The following GRIK2 variants were observed in gnomAD, a reference collection of about 807,000 sequenced individuals.
GRIK2 encodes the protein glutamate ionotropic receptor kainate type subunit 2, also known as glutamate receptor ionotropic, kainate 2.
In GRIK2, 32 loss-of-function variants were observed where a neutral mutation model predicts 100.3. That is an observed-to-expected ratio of 0.32 (90% CI 0.24 to 0.43). The LOEUF (loss-of-function observed/expected upper bound fraction) is 0.43. Ranked by LOEUF, GRIK2 falls within the 20% of genes least tolerant of loss-of-function variation. GRIK2 has a pLI of 1.00. For missense variants in GRIK2, 843 were observed against 1,114.9 expected (o/e 0.76, Z 3.47); for synonymous variants, 417 against 389.4 (o/e 1.07, Z -0.83).
chr6:101,901,431 A>T (rs1198548747), intron 12 of GRIK2, among the ~76,000 whole-genome samples: 1 of 151,934 alleles, frequency 6.6e-6, no homozygotes, highest in Non-Finnish European at 1.5e-5. Flanking sequence ...TTCATGGCAA[A>T]CAATATTATG....
intron 11 of GRIK2, among the ~76,000 whole-genome samples, chr6:101,862,035 A>G (rs1483167853): frequency 6.6e-6 from 1 of 152,196 alleles, no homozygotes; most frequent in Non-Finnish European, 1.5e-5. Context: ...TTACAACGGA[A>G]CAGAAATTAA....
Position 101,928,589 on chromosome 6 carries a change from A to G in GRIK2, c.2042A>G (p.Glu681Gly), listed in dbSNP as rs1790061352. 3 of 1,605,298 alleles carry G rather than the reference A, an allele frequency of 1.9e-6. No homozygotes were observed. The highest frequency in any genetic ancestry group is 1.3e-5 in the African/African-American group (1 of 74,906). Residue 681 changes from glutamate (E) to glycine (G), a missense_variant, in exon 14 of 17, where the codon GAA becomes GGA. Glu to Gly is a moderately conservative substitution (Grantham distance 98, BLOSUM62 -2). This residue lies in a region of GRIK2 where 237 missense variants were observed against 388.0 expected (regional missense o/e 0.61). Coordinates refer to ENST00000369134, the MANE Select transcript of GRIK2 (RefSeq NM_021956.5). Reference protein sequence around the residue: ...ADDLAKQTKIEYGAVEDGATM... With the variant: ...ADDLAKQTKIGYGAVEDGATM... ...GATTTAGCTAAACAAACCAAGATAG[A>G]ATATGGAGCAGTAGAGGATGGTGCA...
At chr6:101,642,973 A>T (rs542742767) in intron 4 of GRIK2, among the ~76,000 whole-genome samples, 20 of 151,872 alleles carry the variant, frequency 1.3e-4, no homozygotes, top group African/African-American at 4.6e-4. Flanking sequence ...TTCCCTCATG[A>T]TTAATGATGT....
In GRIK2 at chr6:101,924,082, A is replaced by T. The variant is rs554728500; in HGVS notation, c.1749-519A>T. On this transcript the variant is annotated intron_variant, in intron 12 of 16. Transcript: ENST00000369134. ...TTTAGAGTTGAGATTTTACACATAAATATGTAAATTCATAGAATCATTTTG... is the reference window on the plus strand; with the variant it reads ...TTTAGAGTTGAGATTTTACACATAATTATGTAAATTCATAGAATCATTTTG... Among the ~76,000 whole-genome samples the T allele has an allele frequency of 6.6e-4, 101 of 152,206 alleles. 1 individual carries two copies. In the South Asian group the frequency reaches 0.02, roughly 30 times the overall value.
At chr6:101,805,556 C>G (rs1780946296) in intron 9 of GRIK2, among the ~76,000 whole-genome samples, 1 of 151,948 alleles carries the variant, frequency 6.6e-6, no homozygotes, top group Non-Finnish European at 1.5e-5. Context: ...CATTCTCATT[C>G]TGTCTTGGTC....
At chr6:101,786,949 G>A (rs994208655) in intron 7 of GRIK2, among the ~76,000 whole-genome samples, 1 of 151,958 alleles carries the variant, frequency 6.6e-6, no homozygotes, top group African/African-American at 2.4e-5. Context: ...CTGATACTGG[G>A]CTTTTCTTTG....
At chr6:101,853,186 T>G (rs1369043052) in intron 10 of GRIK2, among the ~76,000 whole-genome samples, 1 of 152,188 alleles carries the variant, frequency 6.6e-6, no homozygotes, top group Non-Finnish European at 1.5e-5. Flanking sequence ...TTGAAAAACC[T>G]AGGTTCAAAC....
rs540145773 is a variant in GRIK2 at position 101,897,953 on chromosome 6, C to T, written c.1748+8090C>T. ...AGAGTCCTTTCAAATGGATGGTTGTCTATGCAGTCTTGTACCAGAGTGGTG... is the reference window on the plus strand; with the variant it reads ...AGAGTCCTTTCAAATGGATGGTTGTTTATGCAGTCTTGTACCAGAGTGGTG... On this transcript the variant is annotated intron_variant, in intron 12 of 16. Transcript: ENST00000369134. Among the ~76,000 whole-genome samples, 3 of 151,734 alleles carry T rather than the reference C, an allele frequency of 2.0e-5. No individual in the cohort carries two copies. The South Asian group carries it at 6.2e-4, about 31-fold the overall frequency.
intron 2 of GRIK2, among the ~76,000 whole-genome samples, chr6:101,449,304 A>C (rs1471350184): frequency 2.0e-5 from 3 of 151,680 alleles, no homozygotes; most frequent in African/African-American, 7.2e-5. Context: ...TATTATTCTG[A>C]ATTTTTAATT....
intron 7 of GRIK2, among the ~76,000 whole-genome samples, chr6:101,792,101 C>G (rs1361636459): frequency 1.3e-5 from 2 of 151,756 alleles, no homozygotes; most frequent in African/African-American, 2.4e-5. Context: ...CTATGTGTGT[C>G]TCTGCACGTG....
chr6:101,968,244 G>T (rs982405392), intron 14 of GRIK2, among the ~76,000 whole-genome samples: 1 of 151,918 alleles, frequency 6.6e-6, no homozygotes, highest in South Asian at 2.1e-4. Flanking sequence ...TAAACACATA[G>T]GTACACACAA....
chr6:101,848,529 G>A (rs1235407930), intron 10 of GRIK2, among the ~76,000 whole-genome samples: 1 of 152,084 alleles, frequency 6.6e-6, no homozygotes. Context: ...ATGGATGAAT[G>A]AATACATCCA....
At chr6:101,741,695 A>G (rs1443579300) in intron 7 of GRIK2, among the ~76,000 whole-genome samples, 1 of 152,204 alleles carries the variant, frequency 6.6e-6, no homozygotes, top group African/African-American at 2.4e-5. Context: ...CTATATTTTC[A>G]GGACATTCTG....
chr6:101,535,691 T>A (rs1775657753), intron 2 of GRIK2, among the ~76,000 whole-genome samples: 2 of 151,784 alleles, frequency 1.3e-5, no homozygotes, highest in Non-Finnish European at 3.0e-5. Context: ...GAGCAATTGT[T>A]GTATTATAAT....
intron 1 of GRIK2, among the ~76,000 whole-genome samples, chr6:101,397,771 T>A (rs544721343): frequency 1.3e-5 from 2 of 152,284 alleles, no homozygotes; most frequent in East Asian, 3.9e-4. Flanking sequence ...TTTTGTGAGA[T>A]TTAACCTATG....
chr6:101,709,378 C>T (rs1471441019), intron 7 of GRIK2, among the ~76,000 whole-genome samples: 2 of 151,786 alleles, frequency 1.3e-5, no homozygotes, highest in East Asian at 3.9e-4. Flanking sequence ...TAAAACCCAC[C>T]TCTAACATTT....
Position 101,906,430 on chromosome 6 carries a change from A to T in GRIK2, c.1748+16567A>T, listed in dbSNP as rs188902031. 2.9e-3 allele frequency among the ~76,000 whole-genome samples: 436 copies of T among 149,334 alleles called. 6 individuals are homozygous for T. The highest frequency in any genetic ancestry group is 9.6e-3 in the African/African-American group (389 of 40,680). ...GGGATAAAGACTGTAAACTCCAGAGACTTAAAACCATTTACTCCCAAATTT... is the reference window on the plus strand; with the variant it reads ...GGGATAAAGACTGTAAACTCCAGAGTCTTAAAACCATTTACTCCCAAATTT... On this transcript the variant is annotated intron_variant, in intron 12 of 16. Coordinates refer to ENST00000369134, the MANE Select transcript of GRIK2 (RefSeq NM_021956.5).
intron 2 of GRIK2, among the ~76,000 whole-genome samples, chr6:101,470,657 C>A (rs887383980): frequency 6.6e-6 from 1 of 152,062 alleles, no homozygotes; most frequent in African/African-American, 2.4e-5. Context: ...TCAAGCCCTG[C>A]AGGAGGATCA....
chr6:101,858,726 A>G (rs1047397713), intron 10 of GRIK2, among the ~76,000 whole-genome samples: 10 of 152,120 alleles, frequency 6.6e-5, no homozygotes, highest in Admixed American at 5.2e-4. Context: ...ACTACTTTTT[A>G]AACTATAATT....
Sources: gnomAD v4.1 joint callset for allele counts (sites outside exome capture counted in the v4.1 genomes callset) on GRCh38, gnomAD v4.1.1 for gene constraint, gnomAD v4.1.1 regional missense constraint, MANE v1.5 for transcripts, NCBI Gene and HGNC (gene_info 2026-07-23, HGNC 2026-07-21) for gene names.